Variants in GSDME observed in about 807,000 individuals in gnomAD.
GSDME encodes gasdermin-E.
In GSDME, 44 loss-of-function variants were observed where a neutral mutation model predicts 47.5. That is an observed-to-expected ratio of 0.93 (90% CI 0.73 to 1.19). The LOEUF is 1.19. Ranked by LOEUF, GSDME falls within the 50% of genes most tolerant of loss-of-function variation. The pLI, the probability that GSDME is intolerant of heterozygous loss-of-function variation, is 0.00. For missense variants in GSDME, 663 were observed against 604.2 expected (o/e 1.10, Z -1.02); for synonymous variants, 258 against 252.8 (o/e 1.02, Z -0.20).
chr7:24,783,494 A>T, the GSDME span, among the ~76,000 whole-genome samples: 2 of 152,214 alleles, frequency 1.3e-5, no homozygotes, highest in Non-Finnish European at 2.9e-5. Context: ...CTGAGCTGAG[A>T]TTCAAATGTG....
chr7:24,780,527 G>A, the GSDME span, among the ~76,000 whole-genome samples: 7 of 152,114 alleles, frequency 4.6e-5, no homozygotes, highest in Non-Finnish European at 7.3e-5. This position sits in a 1 kb window ranked among gnomAD's most constrained non-coding sequence, Gnocchi z 4.1. Context: ...CACTCCTACC[G>A]CTTTGTACAC....
At chr7:24,771,966 T>TG in the GSDME span, among the ~76,000 whole-genome samples, 1 of 152,222 alleles carries the variant, frequency 6.6e-6, no homozygotes, top group Non-Finnish European at 1.5e-5. The surrounding 1 kb of genome is among the most constrained non-coding windows in gnomAD (Gnocchi z 4.1). Context: ...CTTCACCTGA[T>TG]GCAGTCCCCT....
rs1347680446 is a variant in GSDME, at chr7:24,741,997, T to G, written c.404+2565A>C. The stretch of plus-strand genomic sequence containing the variant: ...TTCTAGTCCTTGTATTTATTCTTTA[T>G]CATGCTTCTGGTGGCACCACTCCCC... On this transcript the variant is annotated intron_variant, in intron 3 of 9. Transcript: ENST00000645220. 1.1e-4 allele frequency among the ~76,000 whole-genome samples: 16 copies of G among 152,128 alleles called. 1 individual carries two copies. The highest frequency in any genetic ancestry group is 1.0e-3 in the Admixed American group (16 of 15,278).
the GSDME span, among the ~76,000 whole-genome samples, chr7:24,783,563 G>A: frequency 6.6e-6 from 1 of 152,188 alleles, no homozygotes; most frequent in Admixed American, 6.5e-5. Flanking sequence ...ATCACGCTGA[G>A]GTGTTTGGAG....
At chr7:24,749,822 A>T in intron 1 of GSDME, 29 bp from the exon 2 acceptor site, 1 of 1,476,544 alleles carries the variant, frequency 6.8e-7, no homozygotes, top group Non-Finnish European at 9.4e-7. Context: ...CCTAAAATCA[A>T]ATAAGAAGTT....
chr7:24,784,626 C>CTTTTTTTTT, the GSDME span, among the ~76,000 whole-genome samples: 1 of 124,316 alleles, frequency 8.0e-6, no homozygotes, highest in Non-Finnish European at 1.7e-5. Context: ...TTTCTTCTTC[C>CTTTTTTTTT]TTTTTTTTTT....
chr7:24,765,977 G>A, the GSDME span, among the ~76,000 whole-genome samples: 2 of 152,088 alleles, frequency 1.3e-5, no homozygotes, highest in African/African-American at 4.8e-5. Flanking sequence ...TTTGATTACT[G>A]CCTAATGGGT....
chr7:24,786,479 T>A, the GSDME span, among the ~76,000 whole-genome samples: 1 of 152,166 alleles, frequency 6.6e-6, no homozygotes. The surrounding 1 kb of genome is among the most constrained non-coding windows in gnomAD (Gnocchi z 5.5). Flanking sequence ...CCTTAGTGAA[T>A]GCTTCTGACA....
chr7:24,710,377 G>A lies in GSDME; in HGVS notation c.709C>T (p.Leu237Phe), dbSNP rs1461434076. The part of the protein sequence containing the change: ...KLDGQFEFCL[L>F]RGKQGGFENK... ...TCGAAGCCACCTTGCTTCCCTCGGA[G>A]AAGGCAGAACTCTGTAGTGCAGGAG... Residue 237 changes from leucine (L) to phenylalanine (F), a missense_variant, in exon 6 of 10, where the codon CTC (leucine) becomes TTC (phenylalanine). Leu to Phe is a conservative substitution (Grantham distance 22). Transcript: ENST00000645220. 2.5e-6 allele frequency: 4 copies of A among 1,614,240 alleles called. No individual in the cohort carries two copies. The South Asian group carries it at 4.4e-5, about 18-fold the overall frequency.
chr7:24,780,680 T>C, the GSDME span, among the ~76,000 whole-genome samples: 3 of 152,226 alleles, frequency 2.0e-5, no homozygotes, highest in African/African-American at 7.2e-5. The surrounding 1 kb of genome is among the most constrained non-coding windows in gnomAD (Gnocchi z 4.1). Context: ...GCGTTGTAAA[T>C]ATTCACAGGT....
chr7:24,724,476 T>C lies in GSDME; in HGVS notation c.405-5258A>G, dbSNP rs949501481. On this transcript the variant is annotated intron_variant, in intron 3 of 9. Transcript: ENST00000645220. The surrounding 1 kb of genome is among the most constrained non-coding windows in gnomAD (Gnocchi z 4.8). ...CTAAGGGCAGGCTCCTTGTTCTTCCTGGCGGGGGCGGCAACGTGAAAGCAA... is the reference window on the plus strand; with the variant it reads ...CTAAGGGCAGGCTCCTTGTTCTTCCCGGCGGGGGCGGCAACGTGAAAGCAA... Among the ~76,000 whole-genome samples the C allele has an allele frequency of 6.6e-6, 1 of 152,122 alleles. No individual in the cohort carries two copies. Among genetic ancestry groups the C allele is most frequent in the Non-Finnish European group, 1.5e-5 (1 of 68,006 alleles).
intron 5 of GSDME, chr7:24,715,617 C>A: frequency 2.7e-6 from 1 of 369,096 alleles, no homozygotes; most frequent in Non-Finnish European, 5.6e-6. Context: ...TTACCACATA[C>A]AGATAACAGA....
the GSDME span, among the ~76,000 whole-genome samples, chr7:24,790,434 ACAGG>A: frequency 6.6e-6 from 1 of 152,178 alleles, no homozygotes; most frequent in African/African-American, 2.4e-5. This position sits in a 1 kb window ranked among gnomAD's most constrained non-coding sequence, Gnocchi z 4.1. Context: ...GGAAGCATAG[ACAGG>A]GAAGCCCAGG....
At chr7:24,774,204 C>T in the GSDME span, among the ~76,000 whole-genome samples, 1 of 151,944 alleles carries the variant, frequency 6.6e-6, no homozygotes, top group Non-Finnish European at 1.5e-5. Context: ...TGCTCCTTAA[C>T]ATGAACAGTA....
At chr7:24,763,259 G>C in the GSDME span, among the ~76,000 whole-genome samples, 1 of 152,048 alleles carries the variant, frequency 6.6e-6, no homozygotes, top group African/African-American at 2.4e-5. This position sits in a 1 kb window ranked among gnomAD's most constrained non-coding sequence, Gnocchi z 4.3. Flanking sequence ...TTTGGTTCTT[G>C]AAATAGATCT....
Position 24,712,848 on chromosome 7 carries a change from G to C in GSDME, c.698-2460C>G, listed in dbSNP as rs556754998. Reference sequence around the variant, plus strand: ...AGCCTGACCAACATGGAGAAACCTCGTCTTTACTAAAAATACAAAATTAGC... The same window carrying C: ...AGCCTGACCAACATGGAGAAACCTCCTCTTTACTAAAAATACAAAATTAGC... On this transcript the variant is annotated intron_variant, in intron 5 of 9. Transcript: ENST00000645220. The surrounding 1 kb of genome is among the most constrained non-coding windows in gnomAD (Gnocchi z 4.4). Among the ~76,000 whole-genome samples, 3 of 152,042 alleles carry C rather than the reference G, an allele frequency of 2.0e-5. No individual in the cohort carries two copies. The highest frequency in any genetic ancestry group is 6.6e-5 in the Admixed American group (1 of 15,262).
At chr7:24,748,677 T>G (rs930071953) in intron 2 of GSDME, among the ~76,000 whole-genome samples, 1 of 152,226 alleles carries the variant, frequency 6.6e-6, no homozygotes, top group Non-Finnish European at 1.5e-5. Context: ...CCACTCCTCC[T>G]TCTCTTTCTT....
chr7:24,721,590 TTA>T lies in GSDME; in HGVS notation c.405-2374_405-2373del, dbSNP rs1789789533. On this transcript the variant is annotated intron_variant, in intron 3 of 9. Coordinates refer to ENST00000645220, the MANE Select transcript of GSDME (RefSeq NM_001127453.2). This position sits in a 1 kb window ranked among gnomAD's most constrained non-coding sequence, Gnocchi z 4.1. ...TAGATGACATGCATGCAGTGAGCCATTAGGGTGTGCCGAGCACAGAGTTAAAT... is the reference window on the plus strand; with the variant it reads ...TAGATGACATGCATGCAGTGAGCCATGGGTGTGCCGAGCACAGAGTTAAAT... 6.6e-6 allele frequency among the ~76,000 whole-genome samples: 1 copy of T among 152,192 alleles called. No homozygotes were observed. Among genetic ancestry groups the T allele is most frequent in the Non-Finnish European group, 1.5e-5 (1 of 68,024 alleles).
intron 3 of GSDME, among the ~76,000 whole-genome samples, chr7:24,740,379 T>G (rs1478532413): frequency 6.6e-6 from 1 of 151,888 alleles, no homozygotes; most frequent in Middle Eastern, 3.2e-3. Flanking sequence ...ATAACATAAC[T>G]TTAGGATACC....
Sources: gnomAD v4.1 joint callset for allele counts (sites outside exome capture counted in the v4.1 genomes callset) on GRCh38, gnomAD v4.1.1 for gene constraint, Gnocchi (gnomAD v3.1) non-coding constraint, MANE v1.5 for transcripts, NCBI Gene and HGNC (gene_info 2026-07-23, HGNC 2026-07-21) for gene names.